The following SLC35F1 variants were observed in gnomAD, a reference collection of about 807,000 sequenced individuals.
The protein encoded by SLC35F1 is solute carrier family 35 member F1, also known as chromosome 6 open reading frame 169.
In SLC35F1, 14 loss-of-function variants were observed where a neutral mutation model predicts 48.7. That is an observed-to-expected ratio of 0.29 (90% confidence interval 0.19 to 0.45). SLC35F1 has a LOEUF of 0.45. Among genes scored for constraint, SLC35F1 ranks in the 20% least tolerant of loss-of-function variants. The pLI is 1.00. For missense variants in SLC35F1, 404 were observed against 500.0 expected (o/e 0.81, Z 1.83); for synonymous variants, 190 against 202.2 (o/e 0.94, Z 0.51).
intron 1 of SLC35F1, among the ~76,000 whole-genome samples, chr6:117,966,128 A>ACCCCC (rs1776560909): frequency 6.4e-4 from 11 of 17,232 alleles, no homozygotes; most frequent in Admixed American, 5.9e-4. Flanking sequence ...AAAGCAGGCC[A>ACCCCC]CCGCCCCCCC....
chr6:118,138,844 T>C (rs1454368163), intron 1 of SLC35F1, among the ~76,000 whole-genome samples: 1 of 152,106 alleles, frequency 6.6e-6, no homozygotes, highest in Admixed American at 6.6e-5. Flanking sequence ...ATTATGCATG[T>C]CACGTACAAC....
chr6:117,969,536 A>G (rs891159837), intron 1 of SLC35F1, among the ~76,000 whole-genome samples: 2 of 152,196 alleles, frequency 1.3e-5, no homozygotes, highest in Non-Finnish European at 2.9e-5. Context: ...GACTCAGGCA[A>G]CATAGTGAGA....
intron 2 of SLC35F1, among the ~76,000 whole-genome samples, chr6:118,165,279 T>G (rs779229005): frequency 5.3e-5 from 8 of 152,226 alleles, no homozygotes; most frequent in Non-Finnish European, 1.2e-4. Flanking sequence ...TTTCTAGCTC[T>G]TCTCACATTT....
intron 1 of SLC35F1, among the ~76,000 whole-genome samples, chr6:117,995,992 C>T (rs17079621): frequency 1.3e-4 from 20 of 152,254 alleles, no homozygotes; most frequent in African/African-American, 4.6e-4. Flanking sequence ...GGGGAAGATT[C>T]ATTAATGCCA....
intron 1 of SLC35F1, among the ~76,000 whole-genome samples, chr6:118,140,672 C>T (rs971502137): frequency 2.0e-5 from 3 of 151,330 alleles, no homozygotes; most frequent in Non-Finnish European, 4.4e-5. Context: ...CAGAAGAAGG[C>T]ATTGTTATCA....
chr6:117,988,694 C>T (rs926016995), intron 1 of SLC35F1, among the ~76,000 whole-genome samples: 3 of 152,082 alleles, frequency 2.0e-5, no homozygotes, highest in Non-Finnish European at 4.4e-5. Flanking sequence ...AAAAAGTTCC[C>T]CTGGAAGAAG....
At chr6:117,919,557 T>C (rs2114799508) in intron 1 of SLC35F1, among the ~76,000 whole-genome samples, 1 of 152,180 alleles carries the variant, frequency 6.6e-6, no homozygotes, top group South Asian at 2.1e-4. Flanking sequence ...TGATGCATAG[T>C]CCCTACTCTG....
chr6:118,005,090 G>T (rs1293200321), intron 1 of SLC35F1, among the ~76,000 whole-genome samples: 1 of 152,120 alleles, frequency 6.6e-6, no homozygotes, highest in Non-Finnish European at 1.5e-5. Flanking sequence ...TCCAGAGGAG[G>T]TCTTACAGAA....
chr6:118,312,235 G>C (rs1388200263), intron 7 of SLC35F1, among the ~76,000 whole-genome samples: 1 of 152,184 alleles, frequency 6.6e-6, no homozygotes, highest in Non-Finnish European at 1.5e-5. Flanking sequence ...AGTTTTGAAA[G>C]TGAAAGTAAT....
intron 1 of SLC35F1, among the ~76,000 whole-genome samples, chr6:117,921,352 GGTT>G (rs1775896518): frequency 6.6e-6 from 1 of 152,128 alleles, no homozygotes; most frequent in South Asian, 2.1e-4. Flanking sequence ...CCCCGTAAGG[GGTT>G]TCCCCCCATG....
intron 1 of SLC35F1, among the ~76,000 whole-genome samples, chr6:118,001,287 A>G (rs988527212): frequency 6.6e-6 from 1 of 152,174 alleles, no homozygotes; most frequent in African/African-American, 2.4e-5. Context: ...GCCCTCAGAA[A>G]TAACGCCACA....
At chr6:117,979,588 C>A (rs1368195535) in intron 1 of SLC35F1, among the ~76,000 whole-genome samples, 1 of 152,158 alleles carries the variant, frequency 6.6e-6, no homozygotes, top group Non-Finnish European at 1.5e-5. Flanking sequence ...TGTTCCCAAT[C>A]CTGCTGTGTT....
intron 3 of SLC35F1, among the ~76,000 whole-genome samples, chr6:118,263,303 G>C (rs531127577): frequency 6.6e-6 from 1 of 152,054 alleles, no homozygotes; most frequent in African/African-American, 2.4e-5. Context: ...TGATCCTCCC[G>C]CCTCAGCCTC....
intron 2 of SLC35F1, among the ~76,000 whole-genome samples, chr6:118,156,182 C>G (rs1012340890): frequency 3.3e-5 from 5 of 151,406 alleles, no homozygotes; most frequent in Non-Finnish European, 7.4e-5. Context: ...TTCCTGAGTG[C>G]GATTTGGAAG....
At chr6:118,276,004 A>G (rs932735026) in intron 5 of SLC35F1, among the ~76,000 whole-genome samples, 2 of 152,126 alleles carry the variant, frequency 1.3e-5, no homozygotes, top group Admixed American at 1.3e-4. Flanking sequence ...CCAATAGAAA[A>G]CTTATAGTAT....
At chr6:118,156,154 G>A (rs1179252881) in intron 2 of SLC35F1, among the ~76,000 whole-genome samples, 4 of 151,844 alleles carry the variant, frequency 2.6e-5, no homozygotes, top group Admixed American at 2.0e-4. Flanking sequence ...AGTTATTGAC[G>A]TTGAATCTCA....
chr6:118,179,563 AGATACCTG>A (rs1774541540), intron 2 of SLC35F1, among the ~76,000 whole-genome samples: 1 of 152,150 alleles, frequency 6.6e-6, no homozygotes, highest in Non-Finnish European at 1.5e-5. Context: ...ACACCATCAC[AGATACCTG>A]GAAATAATAT....
intron 2 of SLC35F1, among the ~76,000 whole-genome samples, chr6:118,215,573 A>G (rs1775060943): frequency 1.3e-5 from 2 of 152,170 alleles, no homozygotes; most frequent in Admixed American, 1.3e-4. Context: ...AAAATGGGAA[A>G]TGGCAGAAAT....
intron 5 of SLC35F1, among the ~76,000 whole-genome samples, chr6:118,276,669 T>G (rs1406019011): frequency 3.3e-5 from 5 of 152,218 alleles, no homozygotes; most frequent in African/African-American, 4.8e-5. Flanking sequence ...GTTCAACTAT[T>G]CATAGCCAAC....
Sources: gnomAD v4.1 joint callset for allele counts (sites outside exome capture counted in the v4.1 genomes callset) on GRCh38, gnomAD v4.1.1 for gene constraint, MANE v1.5 for transcripts, NCBI Gene and HGNC (gene_info 2026-07-23, HGNC 2026-07-21) for gene names.